The following CPN1 variants were observed in gnomAD, a reference collection of about 807,000 sequenced individuals.
CPN1 encodes the protein carboxypeptidase N catalytic chain.
Under a neutral mutation model 46.4 loss-of-function variants are expected in CPN1, and 37 were observed. The observed-to-expected ratio is 0.80, with a 90% CI of 0.61 to 1.05. The LOEUF (loss-of-function observed/expected upper bound fraction) is 1.05. Ranked by LOEUF, CPN1 falls within the 50% of genes least tolerant of loss-of-function variation. The pLI is 0.00. For missense variants in CPN1, 563 were observed against 602.6 expected (o/e 0.93, Z 0.69); for synonymous variants, 224 against 235.4 (o/e 0.95, Z 0.44).
intron 8 of CPN1, among the ~76,000 whole-genome samples, chr10:100,044,805 G>A (rs1318264330): frequency 6.6e-6 from 1 of 152,018 alleles, no homozygotes; most frequent in African/African-American, 2.4e-5. Context: ...CCGCCCCCTG[G>A]GTTCAAGCAA....
chr10:100,052,350 T>G (rs1337282652), intron 7 of CPN1, among the ~76,000 whole-genome samples: 1 of 151,894 alleles, frequency 6.6e-6, no homozygotes, highest in African/African-American at 2.4e-5. Flanking sequence ...GGATTACAGG[T>G]GTGAGCCACC....
At chr10:100,081,169 G>A (rs372453857) in intron 1 of CPN1, among the ~76,000 whole-genome samples, 2 of 152,194 alleles carry the variant, frequency 1.3e-5, no homozygotes, top group African/African-American at 4.8e-5. Context: ...TACCATTAAA[G>A]TTTTGAGCAA....
intron 1 of CPN1, among the ~76,000 whole-genome samples, chr10:100,076,333 T>G (rs1226587871): frequency 6.6e-6 from 1 of 152,158 alleles, no homozygotes; most frequent in Non-Finnish European, 1.5e-5. Context: ...ACCCCCATAG[T>G]GTACTAGACA....
At position 100,045,601 on chromosome 10, in the gene CPN1, C is replaced by T. The variant is rs577466159; in HGVS notation, c.1231-3028G>A. Reference sequence around the variant, plus strand: ...TACACTTAGTATGAGTTCTGTAACACATTGGCTAAGAAGGGAGCCAGAGAG... The same window carrying T: ...TACACTTAGTATGAGTTCTGTAACATATTGGCTAAGAAGGGAGCCAGAGAG... On this transcript the variant is annotated intron_variant, in intron 8 of 8. Transcript: ENST00000370418. Among the ~76,000 whole-genome samples the T allele has an allele frequency of 5.3e-5, 8 of 152,344 alleles. No individual in the cohort carries two copies. In the South Asian group the frequency reaches 1.7e-3, roughly 32 times the overall value.
At chr10:100,054,477 A>G (rs768109712) in intron 6 of CPN1, 31 bp from the exon 7 acceptor site, 1 of 1,550,056 alleles carries the variant, frequency 6.5e-7, no homozygotes, top group South Asian at 1.1e-5. Flanking sequence ...TTATGATCAT[A>G]AAACATTTGT....
chr10:100,072,200 G>A (rs1158340015), intron 2 of CPN1, among the ~76,000 whole-genome samples: 1 of 152,094 alleles, frequency 6.6e-6, no homozygotes, highest in Non-Finnish European at 1.5e-5. Flanking sequence ...TTTTGAGACA[G>A]GGTCTCACTC....
Position 100,054,284 on chromosome 10 carries a change from A to T in CPN1, c.1111+63T>A, listed in dbSNP as rs1221267000. ...CACTAGCTTACAAACTGGCCCCTTG[A>T]TTATGCTGAAGAAGATGCAGGAGTT... On this transcript the variant is annotated intron_variant, in intron 7 of 8. Coordinates refer to ENST00000370418, the MANE Select transcript of CPN1 (RefSeq NM_001308.3). 6.7e-6 allele frequency: 9 copies of T among 1,340,784 alleles called. No homozygotes were observed. In the East Asian group the frequency reaches 2.1e-4, roughly 31 times the overall value. The allele number at this position is 1,340,784 out of a possible 1,614,324, so 83.1% of individuals were successfully genotyped here.
intron 8 of CPN1, 105 bp from the exon 9 acceptor site, chr10:100,042,678 C>A (rs1203892752): frequency 1.1e-5 from 15 of 1,414,740 alleles, no homozygotes; most frequent in Non-Finnish European, 1.5e-5. Context: ...TAGCAGTGAC[C>A]CAGAGAAGCA....
At position 100,074,615 on chromosome 10, in the gene CPN1, C is replaced by CCATGTTGGTCAGG. The variant is rs1246792461; in HGVS notation, c.420+1283_420+1295dup. On this transcript the variant is annotated intron_variant, in intron 2 of 8. Transcript: ENST00000370418. ...TATATTTAGTAGAGACAGGGTTTCT[C>CCATGTTGGTCAGG]CATGTTGGTCAGGCTGATCTCGAAC... Among the ~76,000 whole-genome samples the CCATGTTGGTCAGG allele has an allele frequency of 2.0e-5, 3 of 152,238 alleles. No homozygotes were observed. The East Asian group carries it at 5.8e-4, about 30-fold the overall frequency.
intron 2 of CPN1, among the ~76,000 whole-genome samples, chr10:100,075,162 A>G (rs369502480): frequency 1.9e-3 from 285 of 152,180 alleles, no homozygotes; most frequent in African/African-American, 6.6e-3. Context: ...ATGGTGGCGC[A>G]CGCCTGTAGA....
At chr10:100,065,067 C>T (rs903032318) in intron 4 of CPN1, 121 bp downstream of exon 4, 2 of 1,207,808 alleles carry the variant, frequency 1.7e-6, no homozygotes, top group Non-Finnish European at 2.3e-6. Flanking sequence ...TCCTCACAAA[C>T]AAGCGGTATT....
intron 2 of CPN1, among the ~76,000 whole-genome samples, chr10:100,071,469 C>G (rs1236443969): frequency 6.6e-6 from 1 of 152,274 alleles, no homozygotes; most frequent in East Asian, 1.9e-4. Flanking sequence ...GGCCTCCTCC[C>G]CAGTCTGTCT....
chr10:100,076,027 AC>A lies in CPN1; in HGVS notation c.303del (p.Glu101AspfsTer29). On this transcript the variant is annotated frameshift_variant, in exon 2 of 9. Coordinates refer to ENST00000370418, the MANE Select transcript of CPN1 (RefSeq NM_001308.3). LOFTEE classifies it high-confidence loss of function. ...CTGTTCCGGAACTCCTCGCACAGAA[AC>A]TCCGACAGCTGCAGCATCAGCTCGC... ...LGRELMLQLSEFLCEEFRNRN... is the reference protein window; with the variant it reads ...LGRELMLQLSXFLCEEFRNRN... 6.2e-7 allele frequency: 1 copy of A among 1,613,118 alleles called. No homozygotes were observed. The highest frequency in any genetic ancestry group is 8.5e-7 in the Non-Finnish European group (1 of 1,179,786).
chr10:100,055,232 C>G (rs1406333324), intron 6 of CPN1, among the ~76,000 whole-genome samples: 2 of 150,848 alleles, frequency 1.3e-5, no homozygotes, highest in Non-Finnish European at 3.0e-5. Flanking sequence ...AGTGAGACTC[C>G]ATCTAAAAAA....
At chr10:100,071,787 G>A (rs1248029177) in intron 2 of CPN1, among the ~76,000 whole-genome samples, 2 of 152,188 alleles carry the variant, frequency 1.3e-5, no homozygotes, top group Middle Eastern at 3.4e-3. Flanking sequence ...AGTAACCTAG[G>A]GATGATTTAA....
At chr10:100,057,612 T>C (rs2041392294) in intron 5 of CPN1, among the ~76,000 whole-genome samples, 1 of 152,166 alleles carries the variant, frequency 6.6e-6, no homozygotes, top group Non-Finnish European at 1.5e-5. Context: ...ATTGGTACTG[T>C]GGCGGGTAGG....
At chr10:100,049,587 AAC>A (rs2041338114) in intron 7 of CPN1, among the ~76,000 whole-genome samples, 1 of 151,324 alleles carries the variant, frequency 6.6e-6, no homozygotes, top group Non-Finnish European at 1.5e-5. Flanking sequence ...AAAATAAATA[AAC>A]AGAGTCCGGT....
chr10:100,079,857 G>A (rs775178142), intron 1 of CPN1, among the ~76,000 whole-genome samples: 4 of 152,224 alleles, frequency 2.6e-5, no homozygotes, highest in Non-Finnish European at 5.9e-5. Flanking sequence ...GGCCAAGGCG[G>A]GTGGATCACT....
At chr10:100,077,513 G>C (rs1384914179) in intron 1 of CPN1, among the ~76,000 whole-genome samples, 1 of 152,102 alleles carries the variant, frequency 6.6e-6, no homozygotes, top group East Asian at 1.9e-4. Context: ...TTACAGGTGT[G>C]AGCCATTGCA....
Sources: gnomAD v4.1 joint callset for allele counts (sites outside exome capture counted in the v4.1 genomes callset) on GRCh38, gnomAD v4.1.1 for gene constraint, MANE v1.5 for transcripts, NCBI Gene and HGNC (gene_info 2026-07-23, HGNC 2026-07-21) for gene names.